The following ITGA11 variants were observed in gnomAD, a reference collection of about 807,000 sequenced individuals.
ITGA11 encodes integrin subunit alpha 11.
Under a neutral mutation model 141.9 loss-of-function variants are expected in ITGA11, and 97 were observed. The ratio of observed to expected loss-of-function variants is 0.68; its 90% CI spans 0.58 to 0.81. The LOEUF (loss-of-function observed/expected upper bound fraction) is 0.81. Ranked by LOEUF, ITGA11 falls within the 30% of genes least tolerant of loss-of-function variation. The pLI is 0.00. For missense variants in ITGA11, 1,387 were observed against 1,559.2 expected, an observed-to-expected ratio of 0.89 and a Z score of 1.86; for synonymous variants, 658 against 624.6, an observed-to-expected ratio of 1.05 and a Z score of -0.80.
At chr15:68,420,487 T>C (rs531878909) in intron 1 of ITGA11, among the ~76,000 whole-genome samples, 1 of 152,202 alleles carries the variant, frequency 6.6e-6, no homozygotes, top group South Asian at 2.1e-4. Context: ...TTGTAAGCGA[T>C]GCTCAATGGC....
Position 68,400,756 on chromosome 15 carries a change from AT to A in ITGA11, c.164+2161del, listed in dbSNP as rs1896471319. On this transcript the variant is annotated intron_variant, in intron 2 of 29. Transcript: ENST00000315757. Reference sequence around the variant, plus strand: ...TATTATATATTATATAATAAATATTATAATATTATATATTATATAATAAATA... The same window carrying A: ...TATTATATATTATATAATAAATATTAAATATTATATATTATATAATAAATA... Among the ~76,000 whole-genome samples the A allele has an allele frequency of 2.8e-4, 5 of 18,100 alleles. No homozygotes were observed. In the East Asian group the frequency reaches 0.032, roughly 116 times the overall value. The allele number at this position is 18,100 out of a possible 152,430, so 11.9% of individuals were successfully genotyped here.
chr15:68,426,097 C>T (rs1238581168), intron 1 of ITGA11, among the ~76,000 whole-genome samples: 1 of 152,204 alleles, frequency 6.6e-6, no homozygotes, highest in Non-Finnish European at 1.5e-5. Context: ...AGTGGTTGGA[C>T]TACACCAGGT....
intron 21 of ITGA11, 21 bp downstream of exon 21, chr15:68,317,244 C>T (rs554355259): frequency 5.1e-6 from 8 of 1,571,758 alleles, no homozygotes; most frequent in African/African-American, 4.1e-5. Context: ...GACCCTCCCC[C>T]ACATTGTCCC....
intron 7 of ITGA11, among the ~76,000 whole-genome samples, chr15:68,352,453 A>G (rs1416713385): frequency 2.6e-5 from 4 of 152,080 alleles, no homozygotes; most frequent in African/African-American, 7.2e-5. Flanking sequence ...TCTGCCTCCC[A>G]AAGTGCTGGG....
In ITGA11 at chr15:68,321,563, AAT is replaced by A. The variant is rs1893814829; in HGVS notation, c.2323-62_2323-61del. 9.3e-7 allele frequency: 1 copy of A among 1,078,682 alleles called. No individual in the cohort carries two copies. The highest frequency in any genetic ancestry group is 1.6e-5 in the African/African-American group (1 of 61,288). The allele number at this position is 1,078,682 out of a possible 1,614,324, so 66.8% of individuals were successfully genotyped here. ...TAGGGACCCGCAGCCCCTCGCCCTC[AAT>A]GTACACCAGCTCTGTCTCCACCACA... On this transcript the variant is annotated intron_variant, in intron 18 of 29. Transcript: ENST00000315757. The surrounding 1 kb of genome is among the most constrained non-coding windows in gnomAD (Gnocchi z 4.9).
intron 10 of ITGA11, among the ~76,000 whole-genome samples, chr15:68,342,060 G>A (rs1353079717): frequency 6.6e-6 from 1 of 152,212 alleles, no homozygotes; most frequent in Non-Finnish European, 1.5e-5. Flanking sequence ...GAGTAGACAG[G>A]TTAAGGCCAC....
chr15:68,311,529 A>T, intron 24 of ITGA11, 126 bp from the exon 25 acceptor site: 1 of 662,334 alleles, frequency 1.5e-6, no homozygotes, highest in Non-Finnish European at 2.7e-6. Context: ...AGGCCCACTC[A>T]AGACCCCTGG....
chr15:68,347,082 T>C (rs1286710455), intron 10 of ITGA11, among the ~76,000 whole-genome samples: 1 of 152,222 alleles, frequency 6.6e-6, no homozygotes, highest in Non-Finnish European at 1.5e-5. Flanking sequence ...GACAAATGCA[T>C]GTAGATTTAA....
chr15:68,431,271 G>A (rs1222918398), intron 1 of ITGA11, among the ~76,000 whole-genome samples: 1 of 152,108 alleles, frequency 6.6e-6, no homozygotes, highest in Non-Finnish European at 1.5e-5. Context: ...ATTAGGCGGC[G>A]GCGCGCGTCT....
chr15:68,350,552 T>A, intron 9 of ITGA11, 65 bp downstream of exon 9: 1 of 1,484,812 alleles, frequency 6.7e-7, no homozygotes, highest in South Asian at 1.3e-5. Context: ...TGGTTTGTGC[T>A]CTACGGGGTT....
rs146185874 is a variant in ITGA11 at position 68,419,684 on chromosome 15, A to G, written c.52+12331T>C. ...TAGCCCCTAAAGGGCTTTTAGAAAC[A>G]TGAAGGCCAAACATTTATTTTAGAA... On this transcript the variant is annotated intron_variant, in intron 1 of 29. Transcript: ENST00000315757. Among the ~76,000 whole-genome samples, 100 of 152,344 alleles carry G rather than the reference A, an allele frequency of 6.6e-4. 1 individual carries two copies. Among genetic ancestry groups the G allele is most frequent in the Admixed American group, 4.3e-3 (66 of 15,308 alleles).
intron 10 of ITGA11, among the ~76,000 whole-genome samples, 164 bp from the exon 11 acceptor site, chr15:68,339,808 T>C (rs930806657): frequency 3.3e-5 from 5 of 152,170 alleles, no homozygotes; most frequent in Non-Finnish European, 1.5e-5. Context: ...TCTTGGCTTT[T>C]GAATAAGCCA....
At position 68,328,303 on chromosome 15, in the gene ITGA11, T is replaced by G. The variant is rs746911547; in HGVS notation, c.1902-41A>C. ...CAGTGAGCTGGGGTGGGGCAGGGGCTCAGGCTGCCCTGCTGTGACCATGGG... is the reference window on the plus strand; with the variant it reads ...CAGTGAGCTGGGGTGGGGCAGGGGCGCAGGCTGCCCTGCTGTGACCATGGG... On this transcript the variant is annotated intron_variant, in intron 15 of 29. Transcript: ENST00000315757. This position sits in a 1 kb window ranked among gnomAD's most constrained non-coding sequence, Gnocchi z 4.8. 1.3e-6 allele frequency: 2 copies of G among 1,577,322 alleles called. No individual in the cohort carries two copies. Among genetic ancestry groups the G allele is most frequent in the Non-Finnish European group, 1.7e-6 (2 of 1,153,046 alleles).
intron 1 of ITGA11, among the ~76,000 whole-genome samples, chr15:68,424,172 A>G (rs1280004064): frequency 6.6e-6 from 1 of 152,016 alleles, no homozygotes; most frequent in Non-Finnish European, 1.5e-5. Flanking sequence ...ATCACTCCAC[A>G]CCTACCAGCT....
chr15:68,402,966 G>T lies in ITGA11; in HGVS notation c.116C>A (p.Ala39Asp). The change falls in exon 2 of 30, where the codon GCC becomes GAC. Residue 39 changes from alanine to aspartate, a missense_variant. Coordinates refer to ENST00000315757, the MANE Select transcript of ITGA11 (RefSeq NM_001004439.2). ...KPRVIPGSRTAFFGYTVQQHD... is the reference protein window; with the variant it reads ...KPRVIPGSRTDFFGYTVQQHD... ...CTGCTGCACTGTGTAGCCAAAGAAG[G>T]CGGTCCTGGAGCCAGGGATGACCCG... 1.2e-6 allele frequency: 2 copies of T among 1,613,860 alleles called. No individual in the cohort carries two copies. Among genetic ancestry groups the T allele is most frequent in the Non-Finnish European group, 1.7e-6 (2 of 1,179,834 alleles).
intron 2 of ITGA11, among the ~76,000 whole-genome samples, chr15:68,377,563 C>A (rs780573847): frequency 6.6e-6 from 1 of 152,290 alleles, no homozygotes; most frequent in South Asian, 2.1e-4. Flanking sequence ...TGAGCCACTG[C>A]GCCTGGCCCG....
chr15:68,349,515 C>G (rs1894840018), intron 9 of ITGA11, among the ~76,000 whole-genome samples: 1 of 152,182 alleles, frequency 6.6e-6, no homozygotes, highest in African/African-American at 2.4e-5. Flanking sequence ...TATTTGAGTT[C>G]TGGAGTGGGT....
At chr15:68,317,736 G>A (rs150435695) in intron 20 of ITGA11, among the ~76,000 whole-genome samples, 1 of 152,352 alleles carries the variant, frequency 6.6e-6, no homozygotes, top group Non-Finnish European at 1.5e-5. Flanking sequence ...CCTATCCCAT[G>A]CCCTGCCTAT....
At chr15:68,372,275 T>A (rs1473246672) in intron 2 of ITGA11, among the ~76,000 whole-genome samples, 1 of 151,816 alleles carries the variant, frequency 6.6e-6, no homozygotes. Flanking sequence ...GCAGGGAAAA[T>A]GTTCACGTCA....
Sources: gnomAD v4.1 joint callset for allele counts (sites outside exome capture counted in the v4.1 genomes callset) on GRCh38, gnomAD v4.1.1 for gene constraint, Gnocchi (gnomAD v3.1) non-coding constraint, MANE v1.5 for transcripts, NCBI Gene and HGNC (gene_info 2026-07-23, HGNC 2026-07-21) for gene names.